The following DACH2 variants were observed in gnomAD, a reference collection of about 807,000 sequenced individuals.
The protein encoded by DACH2 is dachshund family transcription factor 2.
DACH2 carries 17 observed loss-of-function variants against 35.8 expected under a neutral mutation model. The ratio of observed to expected loss-of-function variants is 0.48; its 90% CI spans 0.33 to 0.71. The LOEUF (loss-of-function observed/expected upper bound fraction) is 0.71, where lower values mean the gene tolerates loss of function less well. Ranked by LOEUF, DACH2 falls within the 30% of genes least tolerant of loss-of-function variation. DACH2 has a pLI of 0.02. For missense variants in DACH2, 469 were observed against 472.7 expected (o/e 0.99, Z 0.07); for synonymous variants, 195 against 177.3 (o/e 1.10, Z -0.79).
chrX:86,410,002 G>A (rs765530238), intron 2 of DACH2, among the ~76,000 whole-genome samples: 1 of 111,977 alleles, frequency 8.9e-6, no homozygotes, highest in African/African-American at 3.2e-5. Flanking sequence ...CAATGCTGAT[G>A]GGATGTGTTG....
chrX:86,362,822 G>A (rs914216944), intron 1 of DACH2, among the ~76,000 whole-genome samples: 7 of 110,620 alleles, frequency 6.3e-5, no homozygotes, highest in Non-Finnish European at 1.3e-4. Flanking sequence ...GTGATTTTTC[G>A]GTACCGGTAC....
chrX:86,625,004 T>C (rs2040118070), intron 3 of DACH2, among the ~76,000 whole-genome samples: 1 of 111,770 alleles, frequency 8.9e-6, no homozygotes, highest in Non-Finnish European at 1.9e-5. Flanking sequence ...AAGATAAATT[T>C]CTTTATGGAT....
intron 1 of DACH2, among the ~76,000 whole-genome samples, chrX:86,325,426 G>A (rs930474180): frequency 1.8e-5 from 2 of 111,985 alleles, no homozygotes; most frequent in Admixed American, 1.9e-4. Context: ...AGATGACTCT[G>A]ATTGTCCTTG....
At chrX:86,802,951 T>C (rs951124937) in intron 7 of DACH2, among the ~76,000 whole-genome samples, 3 of 112,399 alleles carry the variant, frequency 2.7e-5, no homozygotes, top group African/African-American at 6.5e-5. Flanking sequence ...TGATGCAAAC[T>C]GTTATAATGT....
intron 3 of DACH2, among the ~76,000 whole-genome samples, chrX:86,551,438 A>G (rs1253082072): frequency 8.9e-6 from 1 of 112,110 alleles, no homozygotes; most frequent in Non-Finnish European, 1.9e-5. Context: ...TGACTAACTT[A>G]AGAAATTATT....
intron 11 of DACH2, chrX:86,829,529 T>C (rs560243494): frequency 8.9e-6 from 1 of 112,194 alleles, no homozygotes; most frequent in Middle Eastern, 4.7e-3. Flanking sequence ...TTATGATACA[T>C]GATTTTAGCT....
intron 1 of DACH2, among the ~76,000 whole-genome samples, chrX:86,367,582 G>A (rs953418633): frequency 9.0e-6 from 1 of 111,290 alleles, no homozygotes; most frequent in Non-Finnish European, 1.9e-5. Flanking sequence ...ATGGGCTGGA[G>A]AGATCAACTC....
At chrX:86,733,072 T>A (rs2041549989) in intron 6 of DACH2, among the ~76,000 whole-genome samples, 1 of 111,803 alleles carries the variant, frequency 8.9e-6, no homozygotes, top group Admixed American at 9.5e-5. Flanking sequence ...AATATTTGAA[T>A]GTTTACATGT....
intron 7 of DACH2, among the ~76,000 whole-genome samples, chrX:86,801,264 C>T (rs915765759): frequency 1.8e-5 from 2 of 108,443 alleles, no homozygotes; most frequent in South Asian, 4.1e-4. Context: ...ACATTGCCCA[C>T]GCTGGAGTGC....
At chrX:86,311,111 G>A (rs1474026266) in intron 1 of DACH2, among the ~76,000 whole-genome samples, 4 of 111,790 alleles carry the variant, frequency 3.6e-5, no homozygotes, top group Non-Finnish European at 7.5e-5. Flanking sequence ...CTACCTGGTG[G>A]CAGATTAATT....
intron 4 of DACH2, among the ~76,000 whole-genome samples, chrX:86,691,918 C>CTT (rs1239229586): frequency 1.8e-5 from 2 of 111,739 alleles, no homozygotes; most frequent in African/African-American, 6.5e-5. Context: ...AGTCAAAATA[C>CTT]TTTGCTAGTT....
intron 2 of DACH2, among the ~76,000 whole-genome samples, chrX:86,430,076 T>C (rs894423605): frequency 1.3e-4 from 15 of 112,417 alleles, no homozygotes; most frequent in Non-Finnish European, 3.8e-5. Flanking sequence ...GCAATTGATA[T>C]AATATTGTGG....
At chrX:86,349,678 T>C (rs1009513853) in intron 1 of DACH2, among the ~76,000 whole-genome samples, 2 of 112,424 alleles carry the variant, frequency 1.8e-5, no homozygotes, top group African/African-American at 6.5e-5. Context: ...CTTTCCAAGA[T>C]AATCTGGTTA....
intron 5 of DACH2, among the ~76,000 whole-genome samples, chrX:86,698,517 T>C (rs1315760178): frequency 1.4e-5 from 1 of 73,994 alleles, no homozygotes; most frequent in African/African-American, 4.9e-5. Flanking sequence ...TTTGTTAGTT[T>C]TGTGTTTTTT....
Position 86,395,967 on chromosome X carries a change from A to T in DACH2, c.527+19105A>T, listed in dbSNP as rs1465934953. ...AGATCCCTGAGGAATCACCACACCG[A>T]CTTCCACAATGGTTGAACTAGTTTA... On this transcript the variant is annotated intron_variant, in intron 2 of 11. Coordinates refer to ENST00000373125, the MANE Select transcript of DACH2 (RefSeq NM_053281.3). 1.3e-4 allele frequency among the ~76,000 whole-genome samples: 14 copies of T among 111,714 alleles called. No homozygotes were observed. In the East Asian group the frequency reaches 2.8e-3, roughly 23 times the overall value.
intron 1 of DACH2, among the ~76,000 whole-genome samples, chrX:86,218,585 A>G (rs2032631027): frequency 8.9e-6 from 1 of 111,828 alleles, no homozygotes; most frequent in Non-Finnish European, 1.9e-5. Flanking sequence ...GGTTGTTGTA[A>G]ATCTCGTGTA....
At chrX:86,238,825 G>T (rs920058210) in intron 1 of DACH2, among the ~76,000 whole-genome samples, 1 of 110,848 alleles carries the variant, frequency 9.0e-6, no homozygotes, top group African/African-American at 3.3e-5. Flanking sequence ...GTTGATTAGT[G>T]GGATAACTAA....
chrX:86,287,700 A>AT (rs1425660298), intron 1 of DACH2, among the ~76,000 whole-genome samples: 1 of 112,042 alleles, frequency 8.9e-6, no homozygotes, highest in Non-Finnish European at 1.9e-5. Flanking sequence ...CAGTGTGCCA[A>AT]TTACATTTTT....
chrX:86,812,260 A>C (rs889731715), intron 7 of DACH2, among the ~76,000 whole-genome samples: 3 of 111,706 alleles, frequency 2.7e-5, no homozygotes, highest in African/African-American at 6.5e-5. Context: ...AAATCTTTGG[A>C]GATAAGGCAG....
Sources: gnomAD v4.1 joint callset for allele counts (sites outside exome capture counted in the v4.1 genomes callset) on GRCh38, gnomAD v4.1.1 for gene constraint, MANE v1.5 for transcripts, NCBI Gene and HGNC (gene_info 2026-07-23, HGNC 2026-07-21) for gene names.